Variants in TNNI3K observed in about 807,000 individuals in gnomAD.
TNNI3K encodes TNNI3 interacting kinase, also known as serine/threonine-protein kinase TNNI3K.
Under a neutral mutation model 114.5 loss-of-function variants are expected in TNNI3K, and 140 were observed. That is an observed-to-expected ratio of 1.22 (90% CI 1.07 to 1.41). The LOEUF (loss-of-function observed/expected upper bound fraction) is 1.41, where lower values mean the gene tolerates loss of function less well. Ranked by LOEUF, TNNI3K falls within the 40% of genes most tolerant of loss-of-function variation. The probability of loss-of-function intolerance (pLI) is 0.00; values close to 1 mark genes in which losing one functional copy is unlikely to be tolerated. For missense variants in TNNI3K, 1,125 were observed against 1,007.6 expected, an observed-to-expected ratio of 1.12 and a Z score of -1.58; for synonymous variants, 347 against 347.5, an observed-to-expected ratio of 1.00 and a Z score of 0.02.
intron 17 of TNNI3K, among the ~76,000 whole-genome samples, chr1:74,427,868 A>T (rs553584231): frequency 6.5e-4 from 99 of 152,198 alleles, no homozygotes; most frequent in African/African-American, 2.3e-3. Flanking sequence ...GTATGTGGTT[A>T]GATTTATTTA....
chr1:74,317,309 T>G (rs1570458516), intron 5 of TNNI3K, among the ~76,000 whole-genome samples: 1 of 152,324 alleles, frequency 6.6e-6, no homozygotes, highest in Non-Finnish European at 1.5e-5. Flanking sequence ...GAAGAAATAA[T>G]AATTATAGTA....
In TNNI3K at chr1:74,439,521, C is replaced by T. The variant is rs2274260; in HGVS notation, c.1910C>T (p.Thr637Met). 1.3e-3 allele frequency: 2,155 copies of T among 1,613,296 alleles called. 51 individuals carry two copies. The East Asian group carries it at 0.046, about 34-fold the overall frequency. ...CGTTGGATGGCTCCTGAGGTGTTCA[C>T]GCAGTGCACTCGGTACACCATCAAA... ...NLRWMAPEVF[T>M]QCTRYTIKAD... Residue 637 changes from threonine to methionine, a missense_variant, in exon 20 of 25, where the codon ACG becomes ATG. Physicochemically the swap from Thr to Met is moderately conservative, Grantham distance 81. Coordinates refer to ENST00000326637, the MANE Select transcript of TNNI3K (RefSeq NM_015978.3).
chr1:74,491,033 T>C (rs1012594651), intron 22 of TNNI3K, among the ~76,000 whole-genome samples: 1 of 152,194 alleles, frequency 6.6e-6, no homozygotes, highest in East Asian at 1.9e-4. Context: ...TGTTCTGAAA[T>C]GGCAAAGTGG....
At chr1:74,436,919 A>G (rs1235273451) in intron 19 of TNNI3K, among the ~76,000 whole-genome samples, 1 of 152,040 alleles carries the variant, frequency 6.6e-6, no homozygotes, top group African/African-American at 2.4e-5. Context: ...CTCCACTTTA[A>G]CATTGTAATG....
At chr1:74,363,365 G>T (rs1240023304) in intron 11 of TNNI3K, among the ~76,000 whole-genome samples, 1 of 151,972 alleles carries the variant, frequency 6.6e-6, no homozygotes, top group Admixed American at 6.6e-5. Flanking sequence ...AGAGCTGAGG[G>T]GGCCTCTTGG....
At chr1:74,266,673 A>G (rs537860378) in intron 4 of TNNI3K, among the ~76,000 whole-genome samples, 1 of 152,120 alleles carries the variant, frequency 6.6e-6, no homozygotes, top group South Asian at 2.1e-4. Flanking sequence ...TTAAAAATGG[A>G]TGTAATATGG....
intron 4 of TNNI3K, among the ~76,000 whole-genome samples, chr1:74,260,656 C>T (rs574048492): frequency 6.6e-6 from 1 of 152,080 alleles, no homozygotes; most frequent in South Asian, 2.1e-4. Context: ...CTTTGACAAA[C>T]ATTTATTGGA....
chr1:74,496,414 A>C (rs969972408), intron 23 of TNNI3K, among the ~76,000 whole-genome samples: 9 of 152,178 alleles, frequency 5.9e-5, no homozygotes, highest in Non-Finnish European at 8.8e-5. Flanking sequence ...TTAGTATAGC[A>C]TTATGATTTT....
chr1:74,465,212 C>A (rs1023440011), intron 21 of TNNI3K, among the ~76,000 whole-genome samples: 1 of 152,192 alleles, frequency 6.6e-6, no homozygotes, highest in Non-Finnish European at 1.5e-5. Flanking sequence ...CCAGCTGCAC[C>A]GTGGGAACCC....
chr1:74,451,688 T>TA (rs1667015361), intron 20 of TNNI3K, among the ~76,000 whole-genome samples: 5 of 34,320 alleles, frequency 1.5e-4, no homozygotes, highest in African/African-American at 3.7e-4. Context: ...TTTTCTTTTC[T>TA]TTCTTTCTTT....
chr1:74,439,044 G>A (rs1005733266), intron 19 of TNNI3K: 2 of 152,528 alleles, frequency 1.3e-5, no homozygotes, highest in African/African-American at 4.8e-5. Flanking sequence ...TGAAGGAGGT[G>A]CCTCCCACAG....
intron 5 of TNNI3K, among the ~76,000 whole-genome samples, chr1:74,305,418 G>T (rs1338939129): frequency 6.6e-6 from 1 of 152,200 alleles, no homozygotes; most frequent in East Asian, 1.9e-4. Context: ...GGGTTGTGAT[G>T]CAGCCTCAAT....
intron 23 of TNNI3K, among the ~76,000 whole-genome samples, chr1:74,512,823 A>C (rs1419780893): frequency 6.6e-6 from 1 of 152,192 alleles, no homozygotes; most frequent in Non-Finnish European, 1.5e-5. Flanking sequence ...TGTATTCTTC[A>C]AAATGGGCAC....
chr1:74,459,632 G>A (rs926288427), intron 20 of TNNI3K, among the ~76,000 whole-genome samples: 1 of 151,952 alleles, frequency 6.6e-6, no homozygotes, highest in African/African-American at 2.4e-5. Context: ...ATTATTTTTG[G>A]TTTATTATCA....
chr1:74,260,291 A>G (rs1205127494), intron 4 of TNNI3K, among the ~76,000 whole-genome samples: 2 of 152,146 alleles, frequency 1.3e-5, no homozygotes, highest in East Asian at 3.9e-4. Context: ...AGTATATGTG[A>G]CCTGTAAAGG....
chr1:74,526,269 T>C (rs955859220), intron 23 of TNNI3K, among the ~76,000 whole-genome samples: 2 of 152,062 alleles, frequency 1.3e-5, no homozygotes, highest in African/African-American at 2.4e-5. Context: ...AAGATGGCCT[T>C]TGAACTTTCC....
At chr1:74,241,668 A>G (rs1376010600) in intron 2 of TNNI3K, among the ~76,000 whole-genome samples, 5 of 151,940 alleles carry the variant, frequency 3.3e-5, no homozygotes, top group African/African-American at 4.8e-5. Context: ...TGTAGATTCT[A>G]GATATTAGCC....
chr1:74,348,897 CT>C (rs1397651565), intron 9 of TNNI3K, among the ~76,000 whole-genome samples: 3 of 152,164 alleles, frequency 2.0e-5, no homozygotes, highest in Non-Finnish European at 4.4e-5. Flanking sequence ...AGATTTTGGG[CT>C]GAGACTATGG....
At chr1:74,306,197 T>G (rs1332861095) in intron 5 of TNNI3K, among the ~76,000 whole-genome samples, 4 of 152,312 alleles carry the variant, frequency 2.6e-5, no homozygotes, top group African/African-American at 9.6e-5. Flanking sequence ...CCATCCATGT[T>G]GCTGCAGAGG....
Sources: gnomAD v4.1 joint callset for allele counts (sites outside exome capture counted in the v4.1 genomes callset) on GRCh38, gnomAD v4.1.1 for gene constraint, MANE v1.5 for transcripts, NCBI Gene and HGNC (gene_info 2026-07-23, HGNC 2026-07-21) for gene names.